Variants in NELL1 observed in about 807,000 individuals in gnomAD.
The protein encoded by NELL1 is neural EGFL like 1, also known as protein kinase C-binding protein NELL1.
NELL1 carries 76 observed loss-of-function variants against 107.4 expected under a neutral mutation model. That is an observed-to-expected ratio of 0.71 (90% CI 0.59 to 0.86). The LOEUF is 0.86. NELL1 is among the 40% of genes least tolerant of loss of function. The pLI is 0.00. For missense variants in NELL1, 1,024 were observed against 1,005.5 expected (o/e 1.02, Z -0.25); for synonymous variants, 353 against 341.2 (o/e 1.03, Z -0.38).
At chr11:21,049,070 GATGCTGGT>G (rs1405826706) in intron 12 of NELL1, among the ~76,000 whole-genome samples, 1 of 152,190 alleles carries the variant, frequency 6.6e-6, no homozygotes, top group Non-Finnish European at 1.5e-5. Context: ...AGGAAGCTCT[GATGCTGGT>G]ATGGCTCAGC....
chr11:21,218,158 G>A (rs1183280992), intron 13 of NELL1, among the ~76,000 whole-genome samples: 2 of 152,012 alleles, frequency 1.3e-5, no homozygotes, highest in East Asian at 1.9e-4. Flanking sequence ...TCCTAAATGT[G>A]TATTTTTCAC....
At chr11:21,512,382 A>G (rs1437848576) in intron 15 of NELL1, among the ~76,000 whole-genome samples, 1 of 152,230 alleles carries the variant, frequency 6.6e-6, no homozygotes, top group African/African-American at 2.4e-5. Context: ...TCATGTTATC[A>G]GGGAGTATGT....
Position 21,505,722 on chromosome 11 carries a change from T to C in NELL1, c.1646-28652T>C, listed in dbSNP as rs148676064. ...GGAATTTCCTTAATTCTCATCTTTA[T>C]CTAATAGTAGCTCCCTGCTCTTCTA... is the stretch of plus-strand genomic sequence containing the variant. On this transcript the variant is annotated intron_variant, in intron 15 of 19. Transcript: ENST00000357134. 5.6e-3 allele frequency among the ~76,000 whole-genome samples: 853 copies of C among 152,324 alleles called. 14 individuals are homozygous for C. Among genetic ancestry groups the C allele is most frequent in the African/African-American group, 0.02 (812 of 41,570 alleles).
intron 14 of NELL1, among the ~76,000 whole-genome samples, chr11:21,268,902 A>C (rs923853937): frequency 1.3e-5 from 2 of 152,178 alleles, no homozygotes; most frequent in Admixed American, 1.3e-4. Flanking sequence ...CTAATGGATA[A>C]AGTAGACAGA....
intron 12 of NELL1, among the ~76,000 whole-genome samples, chr11:21,052,465 T>C (rs1320533978): frequency 1.3e-5 from 2 of 152,042 alleles, no homozygotes; most frequent in Admixed American, 6.6e-5. Flanking sequence ...GTGGTAAGAA[T>C]GGTAACATTC....
chr11:21,199,216 A>G (rs1319667387), intron 13 of NELL1, among the ~76,000 whole-genome samples: 1 of 152,072 alleles, frequency 6.6e-6, no homozygotes, highest in Non-Finnish European at 1.5e-5. Context: ...AATCATGGAC[A>G]TCTCCTAGCA....
chr11:21,337,051 A>T (rs1018033553), intron 14 of NELL1, among the ~76,000 whole-genome samples: 1 of 152,094 alleles, frequency 6.6e-6, no homozygotes, highest in East Asian at 1.9e-4. Flanking sequence ...AATTGTTGAA[A>T]TGGAAAGAAT....
At chr11:21,066,484 C>G (rs1409854675) in intron 12 of NELL1, among the ~76,000 whole-genome samples, 1 of 152,160 alleles carries the variant, frequency 6.6e-6, no homozygotes, top group Non-Finnish European at 1.5e-5. Flanking sequence ...ACTTTTCAAT[C>G]CACAGCTTTT....
intron 3 of NELL1, among the ~76,000 whole-genome samples, chr11:20,813,931 A>T (rs949237469): frequency 6.6e-6 from 1 of 151,760 alleles, no homozygotes; most frequent in Non-Finnish European, 1.5e-5. Context: ...GGTATTTTTT[A>T]AAATTTCAAC....
At chr11:21,169,680 TA>T (rs1856560184) in intron 13 of NELL1, 1 of 580,928 alleles carries the variant, frequency 1.7e-6, no homozygotes, top group African/African-American at 1.9e-5. Flanking sequence ...CATATGTACC[TA>T]ATGGGACTGT....
chr11:21,561,787 A>G (rs750038149), intron 17 of NELL1, among the ~76,000 whole-genome samples: 9 of 152,192 alleles, frequency 5.9e-5, no homozygotes, highest in Non-Finnish European at 1.2e-4. Context: ...TATGTAAGTG[A>G]CTGGTGAGAC....
intron 4 of NELL1, among the ~76,000 whole-genome samples, chr11:20,875,536 A>C (rs1468819771): frequency 6.6e-6 from 1 of 152,216 alleles, no homozygotes; most frequent in African/African-American, 2.4e-5. Context: ...ATATCAAAAC[A>C]TCTCATGTAT....
chr11:20,841,641 G>A (rs140614877), intron 3 of NELL1, among the ~76,000 whole-genome samples: 8 of 152,182 alleles, frequency 5.3e-5, no homozygotes, highest in Admixed American at 6.6e-5. Context: ...ATTTTTGGAG[G>A]TGGATCTCTT....
At chr11:21,070,055 T>A (rs909577897) in intron 12 of NELL1, among the ~76,000 whole-genome samples, 1 of 152,108 alleles carries the variant, frequency 6.6e-6, no homozygotes, top group Non-Finnish European at 1.5e-5. Flanking sequence ...ACAAAATAGT[T>A]TCCTTGCCTG....
At chr11:20,841,513 A>T (rs4923099) in intron 3 of NELL1, among the ~76,000 whole-genome samples, 1 of 151,864 alleles carries the variant, frequency 6.6e-6, no homozygotes, top group East Asian at 1.9e-4. Context: ...GAATGCTGAC[A>T]TAATATCAGG....
At chr11:20,680,555 A>C (rs1854165923) in intron 2 of NELL1, among the ~76,000 whole-genome samples, 1 of 152,188 alleles carries the variant, frequency 6.6e-6, no homozygotes, top group African/African-American at 2.4e-5. Flanking sequence ...GGACAGGCAT[A>C]AGATACCAGT....
intron 12 of NELL1, among the ~76,000 whole-genome samples, chr11:21,082,577 G>A (rs1047168204): frequency 4.6e-5 from 7 of 152,096 alleles, no homozygotes; most frequent in African/African-American, 9.7e-5. Context: ...CAGGAAGTTC[G>A]TGGTTTAAAC....
Position 21,300,426 on chromosome 11 carries a change from T to C in NELL1, c.1550-70427T>C, listed in dbSNP as rs183056953. ...AGGGCTTTAGGTTTATTCACATTTC[T>C]GGGCTAGGACATGGGTTTTTTAATA... On this transcript the variant is annotated intron_variant, in intron 14 of 19. Transcript: ENST00000357134. Among the ~76,000 whole-genome samples the C allele has an allele frequency of 1.2e-4, 19 of 152,134 alleles. No individual in the cohort carries two copies. In the East Asian group the frequency reaches 3.7e-3, roughly 29 times the overall value.
intron 3 of NELL1, among the ~76,000 whole-genome samples, chr11:20,821,736 T>A (rs1049131410): frequency 1.3e-5 from 2 of 152,240 alleles, no homozygotes; most frequent in African/African-American, 4.8e-5. Flanking sequence ...AATTAAATTT[T>A]TGAAAAGGGC....
Sources: gnomAD v4.1 joint callset for allele counts (sites outside exome capture counted in the v4.1 genomes callset) on GRCh38, gnomAD v4.1.1 for gene constraint, MANE v1.5 for transcripts, NCBI Gene and HGNC (gene_info 2026-07-23, HGNC 2026-07-21) for gene names.